STK39: variants seen among roughly 807,000 people sequenced by gnomAD.
The protein encoded by STK39 is serine/threonine kinase 39.
A neutral mutation model predicts 77.8 loss-of-function variants in STK39; 20 were observed. That is an observed-to-expected ratio of 0.26 (90% CI 0.18 to 0.37). STK39 has a LOEUF of 0.37. Ranked by LOEUF, STK39 falls within the 10% of genes least tolerant of loss-of-function variation. The pLI is 1.00. For synonymous variants in STK39, 246 were observed against 234.1 expected (o/e 1.05, Z -0.47); for missense variants, 479 against 656.5 (o/e 0.73, Z 2.95).
At chr2:168,012,151 T>C (rs746923520) in intron 16 of STK39, among the ~76,000 whole-genome samples, 14 of 152,164 alleles carry the variant, frequency 9.2e-5, no homozygotes, top group Non-Finnish European at 7.4e-5. Context: ...GAGACAGGAT[T>C]ACATTAAGAG....
intron 1 of STK39, among the ~76,000 whole-genome samples, chr2:168,189,863 C>A (rs750861081): frequency 6.6e-6 from 1 of 152,158 alleles, no homozygotes; most frequent in African/African-American, 2.4e-5. Context: ...GACGAACATG[C>A]AACCTGGAGT....
chr2:167,958,200 T>C (rs763804543), intron 17 of STK39, among the ~76,000 whole-genome samples: 4 of 152,234 alleles, frequency 2.6e-5, no homozygotes, highest in Non-Finnish European at 4.4e-5. Flanking sequence ...AAGTGTCTGC[T>C]TATGTGGGTT....
chr2:168,023,350 A>C (rs1684615856), intron 14 of STK39, among the ~76,000 whole-genome samples: 1 of 149,598 alleles, frequency 6.7e-6, no homozygotes, highest in African/African-American at 2.5e-5. Flanking sequence ...TTGTTCTTTC[A>C]GTTCATCTTC....
intron 8 of STK39, among the ~76,000 whole-genome samples, chr2:168,130,086 C>T (rs554566805): frequency 6.6e-6 from 1 of 152,142 alleles, no homozygotes; most frequent in Admixed American, 6.5e-5. Context: ...AGCTAAATTT[C>T]TATATTTATT....
intron 8 of STK39, among the ~76,000 whole-genome samples, 158 bp downstream of exon 8, chr2:168,137,930 C>G (rs546922559): frequency 1.3e-5 from 2 of 152,312 alleles, no homozygotes; most frequent in Admixed American, 6.5e-5. Context: ...GGACCCACAC[C>G]GTCTTTCACT....
intron 1 of STK39, among the ~76,000 whole-genome samples, chr2:168,191,522 G>A (rs927607188): frequency 6.6e-6 from 1 of 152,146 alleles, no homozygotes; most frequent in Non-Finnish European, 1.5e-5. Flanking sequence ...CTACACATCA[G>A]CCACACCTAA....
chr2:167,962,048 C>T (rs894853751), intron 17 of STK39, among the ~76,000 whole-genome samples: 3 of 152,132 alleles, frequency 2.0e-5, no homozygotes, highest in African/African-American at 7.2e-5. Flanking sequence ...CCCAGTGCTC[C>T]CCTGAGTGAA....
intron 17 of STK39, among the ~76,000 whole-genome samples, chr2:167,958,634 A>T (rs1691850764): frequency 1.3e-5 from 2 of 152,192 alleles, no homozygotes; most frequent in South Asian, 4.1e-4. Context: ...ATGAAAAAAA[A>T]ATCCAGCCTC....
At chr2:168,117,341 A>C (rs1360016465) in intron 10 of STK39, among the ~76,000 whole-genome samples, 1 of 152,214 alleles carries the variant, frequency 6.6e-6, no homozygotes, top group Admixed American at 6.5e-5. Context: ...GCTCCCATGA[A>C]GACGATCCTC....
At chr2:168,131,984 C>T (rs981879155) in intron 8 of STK39, among the ~76,000 whole-genome samples, 5 of 152,126 alleles carry the variant, frequency 3.3e-5, no homozygotes, top group African/African-American at 1.2e-4. Flanking sequence ...AATCCTCCAA[C>T]AAGTCACAAT....
At chr2:168,246,589 C>T (rs1279818673) in intron 1 of STK39, among the ~76,000 whole-genome samples, 1 of 152,166 alleles carries the variant, frequency 6.6e-6, no homozygotes, top group East Asian at 1.9e-4. Context: ...GAGGCGGGTA[C>T]CCGGGCGCGC....
Position 168,166,650 on chromosome 2 carries a change from G to A in STK39, c.430+649C>T, listed in dbSNP as rs144407443. ...CCTAAATATGCACTGTCCAATACTGGAGCCATACAAGGTGATTTAAATGTA... is the reference window on the plus strand; with the variant it reads ...CCTAAATATGCACTGTCCAATACTGAAGCCATACAAGGTGATTTAAATGTA... On this transcript the variant is annotated intron_variant, in intron 3 of 17. Transcript: ENST00000355999. Among the ~76,000 whole-genome samples the A allele has an allele frequency of 4.8e-4, 73 of 152,218 alleles. 1 individual carries two copies. In the South Asian group the frequency reaches 1.0e-2, roughly 21 times the overall value.
At chr2:168,052,118 C>T (rs1685414362) in intron 14 of STK39, among the ~76,000 whole-genome samples, 1 of 151,922 alleles carries the variant, frequency 6.6e-6, no homozygotes, top group Non-Finnish European at 1.5e-5. Flanking sequence ...TGGGAACTGC[C>T]AATAGACACT....
At chr2:168,163,456 G>A (rs1467080666) in intron 4 of STK39, among the ~76,000 whole-genome samples, 1 of 152,118 alleles carries the variant, frequency 6.6e-6, no homozygotes, top group African/African-American at 2.4e-5. Flanking sequence ...GCAATCCCAA[G>A]GATACCAATA....
Position 168,230,026 on chromosome 2 carries a change from T to G in STK39, c.208+17202A>C, listed in dbSNP as rs571166471. Among the ~76,000 whole-genome samples, 4 of 152,328 alleles carry G rather than the reference T, an allele frequency of 2.6e-5. No individual in the cohort carries two copies. In the East Asian group the frequency reaches 7.7e-4, roughly 29 times the overall value. On this transcript the variant is annotated intron_variant, in intron 1 of 17. Coordinates refer to ENST00000355999, the MANE Select transcript of STK39 (RefSeq NM_013233.3). Reference sequence around the variant, plus strand: ...ACAACGAGAGTGTACACAAGGGTAGTTGGGTAATAGTTTCCCCTAATACGT... The same window carrying G: ...ACAACGAGAGTGTACACAAGGGTAGGTGGGTAATAGTTTCCCCTAATACGT...
chr2:168,176,663 A>G (rs925296588), intron 2 of STK39, among the ~76,000 whole-genome samples: 8 of 152,184 alleles, frequency 5.3e-5, no homozygotes, highest in Admixed American at 3.9e-4. Context: ...ATTGTCAGTG[A>G]GTTAGACCAA....
chr2:168,197,492 G>A (rs1689500817), intron 1 of STK39, among the ~76,000 whole-genome samples: 1 of 152,172 alleles, frequency 6.6e-6, no homozygotes, highest in Non-Finnish European at 1.5e-5. Context: ...GGAAAGGTGA[G>A]GATGCAGGGG....
intron 14 of STK39, among the ~76,000 whole-genome samples, chr2:168,054,139 G>A (rs74572946): frequency 0.027 from 4,150 of 152,272 alleles, 194 homozygotes; most frequent in African/African-American, 0.095. Context: ...GAATATTTAT[G>A]TGAAACGTTA....
At position 168,150,960 on chromosome 2, in the gene STK39, C is replaced by T. The variant is rs115318690; in HGVS notation, c.629-10202G>A. ...CTTCCCCTCACCCCACATCAGGCTC[C>T]TGGTTTTCATTTCTATTTATTCCTT... is the stretch of plus-strand genomic sequence containing the variant. On this transcript the variant is annotated intron_variant, in intron 5 of 17. Coordinates refer to ENST00000355999, the MANE Select transcript of STK39 (RefSeq NM_013233.3). Among the ~76,000 whole-genome samples the T allele has an allele frequency of 3.0e-3, 457 of 152,154 alleles. 2 individuals are homozygous for T. Among genetic ancestry groups the T allele is most frequent in the African/African-American group, 0.011 (436 of 41,524 alleles).
Sources: gnomAD v4.1 joint callset for allele counts (sites outside exome capture counted in the v4.1 genomes callset) on GRCh38, gnomAD v4.1.1 for gene constraint, MANE v1.5 for transcripts, NCBI Gene and HGNC (gene_info 2026-07-23, HGNC 2026-07-21) for gene names.